The following CHN1 variants were observed in gnomAD, a reference collection of about 807,000 sequenced individuals.
CHN1 encodes the protein N-chimaerin.
In CHN1, 37 loss-of-function variants were observed where a neutral mutation model predicts 59.5. That is an observed-to-expected ratio of 0.62 (90% CI 0.48 to 0.82). The LOEUF (loss-of-function observed/expected upper bound fraction) is 0.82. Among genes scored for constraint, CHN1 ranks in the 40% least tolerant of loss-of-function variants. The probability of loss-of-function intolerance (pLI) is 0.00; values close to 1 mark genes in which losing one functional copy is unlikely to be tolerated. For synonymous variants in CHN1, 206 were observed against 200.4 expected, an observed-to-expected ratio of 1.03 and a Z score of -0.24; for missense variants, 469 against 571.0, an observed-to-expected ratio of 0.82 and a Z score of 1.82.
At chr2:174,853,108 C>T (rs1034085739) in intron 6 of CHN1, among the ~76,000 whole-genome samples, 3 of 151,998 alleles carry the variant, frequency 2.0e-5, no homozygotes, top group African/African-American at 4.8e-5. Flanking sequence ...CTAATTCAAC[C>T]GAAGAGCTTG....
intron 7 of CHN1, among the ~76,000 whole-genome samples, chr2:174,833,678 C>CT (rs913491136): frequency 1.3e-5 from 2 of 152,004 alleles, no homozygotes; most frequent in African/African-American, 4.8e-5. Context: ...TCCTTTATTC[C>CT]TTTTTTTATG....
chr2:174,975,655 CAA>C (rs35826463), intron 1 of CHN1, among the ~76,000 whole-genome samples: 1 of 125,116 alleles, frequency 8.0e-6, no homozygotes, highest in African/African-American at 3.1e-5. Context: ...ACAAAACAAA[CAA>C]AAAAAAAAAA....
At chr2:174,940,313 C>A (rs1045697945) in intron 3 of CHN1, among the ~76,000 whole-genome samples, 1 of 152,138 alleles carries the variant, frequency 6.6e-6, no homozygotes, top group Non-Finnish European at 1.5e-5. Flanking sequence ...AGGCGTGAGC[C>A]GCCACGCCCA....
chr2:174,863,556 T>TA (rs1232906975), intron 6 of CHN1, among the ~76,000 whole-genome samples: 2 of 152,208 alleles, frequency 1.3e-5, no homozygotes, highest in East Asian at 3.9e-4. Context: ...TATTGTTTCT[T>TA]AAAGATATTT....
intron 7 of CHN1, among the ~76,000 whole-genome samples, chr2:174,834,321 T>A (rs552786526): frequency 1.1e-4 from 17 of 152,340 alleles, no homozygotes; most frequent in African/African-American, 4.1e-4. Flanking sequence ...AGGAAAAATA[T>A]CTTTTAAAGT....
chr2:174,813,341 G>C (rs1172949642), intron 8 of CHN1, among the ~76,000 whole-genome samples: 1 of 152,216 alleles, frequency 6.6e-6, no homozygotes, highest in Non-Finnish European at 1.5e-5. Flanking sequence ...GGAAAGGGGT[G>C]TGGAGGTTCC....
At chr2:174,952,932 G>A (rs768583863) in intron 1 of CHN1, among the ~76,000 whole-genome samples, 3 of 152,232 alleles carry the variant, frequency 2.0e-5, no homozygotes. Flanking sequence ...ATCAGAGAAA[G>A]AAGAAGGGGC....
intron 11 of CHN1, among the ~76,000 whole-genome samples, chr2:174,804,254 C>G (rs961147781): frequency 2.0e-5 from 3 of 151,914 alleles, no homozygotes; most frequent in African/African-American, 4.8e-5. Context: ...GGGGAGAGTA[C>G]GCCTATAATG....
At chr2:174,851,451 T>C (rs1004503078) in intron 6 of CHN1, among the ~76,000 whole-genome samples, 1 of 152,048 alleles carries the variant, frequency 6.6e-6, no homozygotes, top group Non-Finnish European at 1.5e-5. Context: ...AGATAATTCT[T>C]GTATTTTTTT....
At chr2:174,930,144 C>T (rs1032923623) in intron 3 of CHN1, among the ~76,000 whole-genome samples, 7 of 152,188 alleles carry the variant, frequency 4.6e-5, no homozygotes, top group Non-Finnish European at 1.0e-4. Context: ...ATACTTGTGG[C>T]TCTTGTCTGA....
chr2:174,869,384 A>T (rs914302226), intron 6 of CHN1, among the ~76,000 whole-genome samples: 1 of 152,252 alleles, frequency 6.6e-6, no homozygotes. Flanking sequence ...TGATATGCTT[A>T]TAATAAATAA....
intron 1 of CHN1, among the ~76,000 whole-genome samples, chr2:174,981,195 T>C (rs1691136620): frequency 6.6e-6 from 1 of 152,192 alleles, no homozygotes; most frequent in Non-Finnish European, 1.5e-5. Context: ...ATTGGGTCTT[T>C]GTATATTTAT....
chr2:174,910,327 T>C (rs1192054319), intron 5 of CHN1, among the ~76,000 whole-genome samples: 2 of 152,178 alleles, frequency 1.3e-5, no homozygotes, highest in African/African-American at 4.8e-5. Context: ...AGCCCACTAA[T>C]AAGTCAAAGT....
intron 2 of CHN1, among the ~76,000 whole-genome samples, chr2:174,948,057 T>C (rs1355650436): frequency 6.6e-6 from 1 of 152,196 alleles, no homozygotes; most frequent in Non-Finnish European, 1.5e-5. Flanking sequence ...TCAATGAGTA[T>C]ATACTTATTA....
intron 5 of CHN1, among the ~76,000 whole-genome samples, chr2:174,904,429 C>T (rs767314386): frequency 1.3e-5 from 2 of 151,968 alleles, no homozygotes; most frequent in Non-Finnish European, 2.9e-5. Flanking sequence ...TCACTCATTG[C>T]CCAGGCTTGA....
intron 1 of CHN1, among the ~76,000 whole-genome samples, chr2:174,954,154 C>G (rs1359063038): frequency 6.6e-6 from 1 of 152,132 alleles, no homozygotes; most frequent in African/African-American, 2.4e-5. Context: ...TTACAGCCAA[C>G]TGACCTTCAA....
intron 3 of CHN1, among the ~76,000 whole-genome samples, chr2:174,933,454 G>C (rs1392331920): frequency 6.6e-6 from 1 of 152,058 alleles, no homozygotes; most frequent in East Asian, 1.9e-4. Context: ...GTCATCACTT[G>C]TATCAGATGC....
intron 7 of CHN1, among the ~76,000 whole-genome samples, chr2:174,834,721 G>A (rs1165713977): frequency 2.0e-5 from 3 of 152,074 alleles, no homozygotes; most frequent in African/African-American, 7.2e-5. Context: ...AAAATAATTT[G>A]TTTCCTCAAA....
chr2:174,879,749 T>C (rs1361690686), intron 5 of CHN1, among the ~76,000 whole-genome samples: 1 of 152,184 alleles, frequency 6.6e-6, no homozygotes, highest in Non-Finnish European at 1.5e-5. Context: ...TTCGGTTGTA[T>C]CAGACACATT....
Sources: allele counts gnomAD v4.1 joint callset (sites outside exome capture counted in the v4.1 genomes callset), GRCh38; gene constraint gnomAD v4.1.1; transcripts MANE v1.5; gene names NCBI Gene and HGNC (gene_info 2026-07-23, HGNC 2026-07-21).